ROBO2: variants seen among roughly 807,000 people sequenced by gnomAD.
The protein encoded by ROBO2 is roundabout homolog 2.
ROBO2 carries 53 observed loss-of-function variants against 160.8 expected under a neutral mutation model. The observed-to-expected ratio is 0.33, with a 90% CI of 0.26 to 0.41. The LOEUF is 0.41. Ranked by LOEUF, ROBO2 falls within the 10% of genes least tolerant of loss-of-function variation. The probability of loss-of-function intolerance (pLI) is 1.00; values close to 1 mark genes in which losing one functional copy is unlikely to be tolerated. For missense variants in ROBO2, 1,577 were observed against 1,722.4 expected (o/e 0.92, Z 1.49); for synonymous variants, 664 against 611.7 (o/e 1.09, Z -1.26).
chr3:76,375,671 AAGAT>A (rs1287363118), intron 2 of ROBO2, among the ~76,000 whole-genome samples: 7 of 152,028 alleles, frequency 4.6e-5, no homozygotes, highest in Admixed American at 1.3e-4. Flanking sequence ...CATAACATAG[AAGAT>A]AGATTAAAAA....
intron 2 of ROBO2, among the ~76,000 whole-genome samples, chr3:77,378,087 C>G (rs528067759): frequency 1.3e-5 from 2 of 152,258 alleles, no homozygotes; most frequent in South Asian, 4.1e-4. Context: ...TTGCAACAGA[C>G]TTTAGAAAGA....
chr3:76,041,983 TGAGA>T (rs76942939), intron 2 of ROBO2, among the ~76,000 whole-genome samples: 9,984 of 142,582 alleles, frequency 0.07, 904 homozygotes, highest in African/African-American at 0.21. Flanking sequence ...TGACAGAGAG[TGAGA>T]GAGAGAGGGA....
chr3:76,932,318 C>T lies in ROBO2; in HGVS notation c.110-165696C>T, dbSNP rs140120922. 8.0e-3 allele frequency among the ~76,000 whole-genome samples: 1,219 copies of T among 152,066 alleles called. 6 individuals carry two copies. Among genetic ancestry groups the T allele is most frequent in the Non-Finnish European group, 0.013 (857 of 67,968 alleles). On this transcript the variant is annotated intron_variant, in intron 2 of 26. Transcript: ENST00000487694. ...CTCTTCAAACTAATTTAAAAAAGAACATTTATTCCATACCATGAGAAAATC... is the reference window on the plus strand; with the variant it reads ...CTCTTCAAACTAATTTAAAAAAGAATATTTATTCCATACCATGAGAAAATC...
chr3:76,817,068 T>C (rs1359974566), intron 2 of ROBO2, among the ~76,000 whole-genome samples: 1 of 151,612 alleles, frequency 6.6e-6, no homozygotes, highest in Non-Finnish European at 1.5e-5. Context: ...CTGGAGAGTG[T>C]GGGGGGCATT....
intron 2 of ROBO2, among the ~76,000 whole-genome samples, chr3:77,174,406 C>G (rs115104082): frequency 0.016 from 2,374 of 152,000 alleles, 76 homozygotes; most frequent in African/African-American, 0.054. Context: ...TATTAATAGG[C>G]TTCAAATGAA....
At chr3:77,359,878 G>A (rs1325190120) in intron 2 of ROBO2, among the ~76,000 whole-genome samples, 2 of 151,910 alleles carry the variant, frequency 1.3e-5, no homozygotes, top group African/African-American at 2.4e-5. Flanking sequence ...TAGAGACTGG[G>A]TTTGACTCTC....
chr3:77,121,759 AG>A (rs2074797143), intron 2 of ROBO2, among the ~76,000 whole-genome samples: 1 of 152,070 alleles, frequency 6.6e-6, no homozygotes, highest in South Asian at 2.1e-4. Flanking sequence ...AATAATTCTA[AG>A]TGTCAGTTTT....
rs145180230 is a variant in ROBO2 at position 76,268,796 on chromosome 3, C to T, written c.109+331194C>T. The stretch of plus-strand genomic sequence containing the variant: ...TAAAGCATAAATTGGAAGTTGACTG[C>T]CTCTTTAGTAGTAAGGCAACATGTA... On this transcript the variant is annotated intron_variant, in intron 2 of 26. Coordinates refer to the ROBO2 transcript ENST00000487694. Among the ~76,000 whole-genome samples, 535 of 152,186 alleles carry T rather than the reference C, an allele frequency of 3.5e-3. 2 individuals carry two copies. Among genetic ancestry groups the T allele is most frequent in the African/African-American group, 0.012 (515 of 41,556 alleles).
At chr3:76,858,114 C>T (rs932077506) in intron 2 of ROBO2, among the ~76,000 whole-genome samples, 1 of 151,506 alleles carries the variant, frequency 6.6e-6, no homozygotes, top group African/African-American at 2.4e-5. Flanking sequence ...CGCTAGTACA[C>T]TCCCAGCACA....
intron 2 of ROBO2, among the ~76,000 whole-genome samples, chr3:76,765,377 C>A (rs1018253916): frequency 6.6e-6 from 1 of 151,578 alleles, no homozygotes; most frequent in Admixed American, 6.6e-5. Context: ...CCAGACTGAA[C>A]CCAGAGTGTG....
intron 2 of ROBO2, among the ~76,000 whole-genome samples, chr3:77,459,670 C>T (rs2082035488): frequency 6.6e-6 from 1 of 152,078 alleles, no homozygotes; most frequent in African/African-American, 2.4e-5. Flanking sequence ...ACAGGGGAAA[C>T]TGAAGAAGTG....
chr3:76,629,321 G>C (rs1301525689), intron 2 of ROBO2, among the ~76,000 whole-genome samples: 1 of 152,120 alleles, frequency 6.6e-6, no homozygotes, highest in Non-Finnish European at 1.5e-5. Context: ...GTTCTCTAGA[G>C]GGACAGAACT....
At chr3:77,610,577 G>A (rs1412013154) in intron 21 of ROBO2, among the ~76,000 whole-genome samples, 1 of 151,630 alleles carries the variant, frequency 6.6e-6, no homozygotes, top group East Asian at 1.9e-4. Flanking sequence ...GTGGCTGTTG[G>A]ATGCCAGGCA....
chr3:77,008,262 CA>C (rs1236637574), intron 2 of ROBO2, among the ~76,000 whole-genome samples: 1 of 151,954 alleles, frequency 6.6e-6, no homozygotes, highest in Non-Finnish European at 1.5e-5. Context: ...ATTGGTGTTA[CA>C]AAAAAATCAA....
chr3:76,773,223 G>T (rs571389805), intron 2 of ROBO2, among the ~76,000 whole-genome samples: 3 of 150,692 alleles, frequency 2.0e-5, no homozygotes, highest in South Asian at 2.1e-4. Context: ...TTGTTGTAAG[G>T]TGACTATTTT....
intron 2 of ROBO2, among the ~76,000 whole-genome samples, chr3:76,298,673 T>C (rs1709205666): frequency 6.6e-6 from 1 of 152,228 alleles, no homozygotes; most frequent in South Asian, 2.1e-4. Flanking sequence ...TCATGGGATA[T>C]ATTTTATCTC....
chr3:76,888,685 CT>C (rs1289154504), intron 2 of ROBO2, among the ~76,000 whole-genome samples: 2 of 152,070 alleles, frequency 1.3e-5, no homozygotes, highest in East Asian at 3.9e-4. Flanking sequence ...GAATCACCAT[CT>C]ATAGATACAT....
chr3:76,125,851 G>A (rs1466086412), intron 2 of ROBO2, among the ~76,000 whole-genome samples: 1 of 151,982 alleles, frequency 6.6e-6, no homozygotes, highest in Non-Finnish European at 1.5e-5. Flanking sequence ...ATTTGACATG[G>A]AGTCTTGCTT....
chr3:76,612,479 T>A (rs1033043630), intron 2 of ROBO2, among the ~76,000 whole-genome samples: 3 of 152,100 alleles, frequency 2.0e-5, no homozygotes, highest in African/African-American at 7.2e-5. Context: ...ATGTTCTCAC[T>A]CATAAGTAGG....
Sources: gnomAD v4.1 joint callset for allele counts (sites outside exome capture counted in the v4.1 genomes callset) on GRCh38, gnomAD v4.1.1 for gene constraint, MANE v1.5 for transcripts, NCBI Gene and HGNC (gene_info 2026-07-23, HGNC 2026-07-21) for gene names.